KCP: variants seen among roughly 807,000 people sequenced by gnomAD.
The protein encoded by KCP is kielin/chordin-like protein.
A neutral mutation model predicts 212.7 loss-of-function variants in KCP; 194 were observed. The observed-to-expected ratio is 0.91, with a 90% CI of 0.81 to 1.03. The LOEUF (loss-of-function observed/expected upper bound fraction) is 1.03. Among genes scored for constraint, KCP ranks in the 50% least tolerant of loss-of-function variants. KCP has a pLI of 0.00. For missense variants in KCP, 2,080 were observed against 2,162.5 expected (o/e 0.96, Z 0.76); for synonymous variants, 833 against 865.3 (o/e 0.96, Z 0.65).
At position 128,888,119 on chromosome 7, in the gene KCP, T is replaced by TACAC. The variant is rs199831809; in HGVS notation, c.2512+740_2512+743dup. On this transcript the variant is annotated intron_variant, in intron 22 of 39. Transcript: ENST00000610776. ...ACCCACATACACACAGCTACAGCCATACACACACACACACACACACAGGGC... is the reference window on the plus strand; with the variant it reads ...ACCCACATACACACAGCTACAGCCATACACACACACACACACACACACACAGGGC... Among the ~76,000 whole-genome samples the TACAC allele has an allele frequency of 5.3e-3, 625 of 118,000 alleles. 9 individuals are homozygous for TACAC. The highest frequency in any genetic ancestry group is 0.027 in the East Asian group (111 of 4,104). 77.4% of individuals were successfully genotyped at this position (118,000 alleles called of 152,430 possible).
At chr7:128,887,116 G>T in intron 23 of KCP, 99 bp downstream of exon 23, 1 of 1,152,770 alleles carries the variant, frequency 8.7e-7, no homozygotes, top group Non-Finnish European at 1.3e-6. Flanking sequence ...AGGGCAGAGT[G>T]TAGCCCTTGC....
In KCP at chr7:128,890,426, C is replaced by T; in HGVS notation, c.2252G>A (p.Gly751Asp). 3.2e-6 allele frequency: 5 copies of T among 1,551,172 alleles called. No homozygotes were observed. The highest frequency in any genetic ancestry group is 2.6e-6 in the Non-Finnish European group (3 of 1,147,002). ...AACHLCLCWEGSVSCEPKACA... is the reference protein window; with the variant it reads ...AACHLCLCWEDSVSCEPKACA... ...TGCCTTGGGCTCGCAGCTCACGCTG[C>T]CCTCCCAGCAAAGGCAGAGGTGGCA... The change falls in exon 21 of 40, where the codon GGC becomes GAC. Residue 751 changes from glycine to aspartate, a missense_variant. By Grantham distance (94) the Gly-to-Asp change is moderately conservative. Coordinates refer to ENST00000610776, the MANE Select transcript of KCP (RefSeq NM_001366122.1).
chr7:128,880,052 A>C lies in KCP; in HGVS notation c.3793T>G (p.Cys1265Gly). The C allele has an allele frequency of 6.5e-7, 1 of 1,547,208 alleles. No individual in the cohort carries two copies. Among genetic ancestry groups the C allele is most frequent in the Non-Finnish European group, 8.7e-7 (1 of 1,146,134 alleles). ...KAPALSPGSC[C>G]PRCLPRPASC... ...GCGGGCCGAGGCAGGCAGCGGGGGC[A>C]GCAGCTGCCAGGACTCAGGGCAGGG... Residue 1265 changes from cysteine to glycine, a missense_variant, in exon 35 of 40, where the codon TGC becomes GGC. Physicochemically the swap from Cys to Gly is radical, Grantham distance 159 (BLOSUM62 -3). Coordinates refer to ENST00000610776, the MANE Select transcript of KCP (RefSeq NM_001366122.1).
intron 5 of KCP, chr7:128,904,400 C>T (rs906541869): frequency 1.4e-4 from 210 of 1,519,134 alleles, no homozygotes; most frequent in Non-Finnish European, 1.8e-4. Context: ...AGACACTGAG[C>T]CAGCCCTCCC....
At position 128,893,495 on chromosome 7, in the gene KCP, G is replaced by C; in HGVS notation, c.1100-19C>G. ...TCACAGCCTGGATGGGATGACAGGGGCGTGGGGGTATAGGGCTGGAGGCAG... is the reference window on the plus strand; with the variant it reads ...TCACAGCCTGGATGGGATGACAGGGCCGTGGGGGTATAGGGCTGGAGGCAG... On this transcript the variant is annotated intron_variant, in intron 11 of 39. Transcript: ENST00000610776. 1 of 1,517,440 alleles carries C rather than the reference G, an allele frequency of 6.6e-7. No individual in the cohort carries two copies. The highest frequency in any genetic ancestry group is 9.0e-7 in the Non-Finnish European group (1 of 1,116,198). 94.0% of individuals were successfully genotyped at this position (1,517,440 alleles called of 1,614,324 possible). A position where few individuals can be genotyped will look rare whatever the true frequency, so the allele number is the denominator to read the frequency against.
chr7:128,890,164 C>T, intron 21 of KCP, 179 bp downstream of exon 21: 13 of 1,173,440 alleles, frequency 1.1e-5, no homozygotes, highest in Non-Finnish European at 1.6e-5. Flanking sequence ...AAGTGATCCT[C>T]CTGCCTCAGC....
In KCP at chr7:128,886,689, C is replaced by T; in HGVS notation, c.2738G>A (p.Gly913Glu). The T allele has an allele frequency of 6.4e-7, 1 of 1,551,650 alleles. No homozygotes were observed. The highest frequency in any genetic ancestry group is 8.7e-7 in the Non-Finnish European group (1 of 1,146,946). ...REHQDGEEFE[G>E]PAGSCEWCRC... ...ACACCACTCACAGCTGCCTGCTGGTCCCTCAAACTCCTCCCCATCCTGGTG... is the reference window on the plus strand; with the variant it reads ...ACACCACTCACAGCTGCCTGCTGGTTCCTCAAACTCCTCCCCATCCTGGTG... The change falls in exon 25 of 40, where the codon GGA becomes GAA. Residue 913 changes from glycine (G) to glutamate (E), a missense_variant. By Grantham distance (98) the Gly-to-Glu change is moderately conservative. Coordinates refer to ENST00000610776, the MANE Select transcript of KCP (RefSeq NM_001366122.1).
chr7:128,877,389 G>A (rs778609481), intron 39 of KCP, 78 bp from the exon 40 acceptor site: 74 of 1,524,478 alleles, frequency 4.9e-5, no homozygotes, highest in Non-Finnish European at 6.1e-5. Context: ...TGCGAGACTC[G>A]CCATACCCGG....
At chr7:128,898,454 C>A (rs546235711) in intron 8 of KCP, among the ~76,000 whole-genome samples, 73 of 152,342 alleles carry the variant, frequency 4.8e-4, no homozygotes, top group African/African-American at 1.7e-3. Context: ...TGGAAAATGT[C>A]AGACCTTATT....
intron 8 of KCP, among the ~76,000 whole-genome samples, chr7:128,895,686 T>C (rs1794474927): frequency 6.6e-6 from 1 of 152,070 alleles, no homozygotes; most frequent in Non-Finnish European, 1.5e-5. Context: ...ATAGAACAGG[T>C]TGCAGCCAAA....
At chr7:128,903,459 C>G (rs1794963015) in intron 7 of KCP, 2 of 533,014 alleles carry the variant, frequency 3.8e-6, no homozygotes, top group Non-Finnish European at 6.6e-6. Flanking sequence ...GACCCCATGT[C>G]TCATGATTGG....
At chr7:128,905,933 T>C (rs1198293655) in intron 5 of KCP, among the ~76,000 whole-genome samples, 1 of 152,086 alleles carries the variant, frequency 6.6e-6, no homozygotes, top group Non-Finnish European at 1.5e-5. Flanking sequence ...TGTGCCCTCC[T>C]CTGGCAAAAT....
chr7:128,881,629 G>T lies in KCP; in HGVS notation c.3421C>A (p.Arg1141=). The change falls in exon 31 of 40, where the codon CGG becomes AGG. Residue 1141 remains arginine (R), a synonymous_variant. Coordinates refer to ENST00000610776, the MANE Select transcript of KCP (RefSeq NM_001366122.1). ...TPPGSCCPVC[R]ECVVEAEGRR... ...GAGGCCAAGGCTGGGCACTTACCCC[G>T]GCATACGGGGCAGCAGCTCCCAGGG... 6.7e-7 allele frequency: 1 copy of T among 1,493,030 alleles called. No individual in the cohort carries two copies. The highest frequency in any genetic ancestry group is 2.5e-5 in the East Asian group (1 of 39,584). The allele number at this position is 1,493,030 out of a possible 1,614,324, so 92.5% of individuals were successfully genotyped here.
chr7:128,905,627 A>C (rs1585256273), intron 5 of KCP, among the ~76,000 whole-genome samples: 1 of 152,208 alleles, frequency 6.6e-6, no homozygotes, highest in African/African-American at 2.4e-5. Context: ...CACCAGGTGA[A>C]TATTCCTCAA....
chr7:128,901,366 C>T (rs1448799685), intron 8 of KCP, among the ~76,000 whole-genome samples: 1 of 152,232 alleles, frequency 6.6e-6, no homozygotes, highest in African/African-American at 2.4e-5. Context: ...GTGGCTCACG[C>T]CTGTAATCCC....
intron 5 of KCP, 85 bp from the exon 6 acceptor site, chr7:128,904,223 G>A: frequency 6.6e-7 from 1 of 1,515,192 alleles, no homozygotes; most frequent in Non-Finnish European, 9.0e-7. Context: ...ACCCCAAGTA[G>A]GTACTGGACC....
chr7:128,904,865 A>G (rs1349333745), intron 5 of KCP, among the ~76,000 whole-genome samples: 1 of 152,232 alleles, frequency 6.6e-6, no homozygotes, highest in Non-Finnish European at 1.5e-5. Flanking sequence ...CATCATCAGC[A>G]TGGTTCCATT....
chr7:128,884,849 C>T lies in KCP; in HGVS notation c.3055G>A (p.Gly1019Ser), dbSNP rs1793547473. Residue 1019 changes from glycine (G) to serine (S), a missense_variant, in exon 28 of 40, where the codon GGC becomes AGC. Transcript: ENST00000610776. ...CTCTCCCCAGGCTCGTACTTCCGGC[C>T]CTCATGCTCACAGTCTTTGGGGTGG... Reference protein sequence around the residue: ...CPQCSDCEHEGRKYEPGESFQ... With the variant: ...CPQCSDCEHESRKYEPGESFQ... 3 of 1,550,880 alleles carry T rather than the reference C, an allele frequency of 1.9e-6. No individual in the cohort carries two copies. Among genetic ancestry groups the T allele is most frequent in the African/African-American group, 1.4e-5 (1 of 73,064 alleles).
intron 21 of KCP, 80 bp downstream of exon 21, chr7:128,890,263 A>G: frequency 6.4e-7 from 1 of 1,550,968 alleles, no homozygotes; most frequent in Admixed American, 2.0e-5. Context: ...GATCCACCCT[A>G]GGGCAGTAAA....
Sources: gnomAD v4.1 joint callset for allele counts (sites outside exome capture counted in the v4.1 genomes callset) on GRCh38, gnomAD v4.1.1 for gene constraint, MANE v1.5 for transcripts, NCBI Gene and HGNC (gene_info 2026-07-23, HGNC 2026-07-21) for gene names.